The following BBX variants were observed in gnomAD, a reference collection of about 807,000 sequenced individuals.
BBX encodes the protein BBX high mobility group box domain containing, also known as HMG box transcription factor BBX.
A neutral mutation model predicts 100.2 loss-of-function variants in BBX; 30 were observed. That is an observed-to-expected ratio of 0.30 (90% CI 0.22 to 0.41). The LOEUF (loss-of-function observed/expected upper bound fraction) is 0.41. BBX is among the 10% of genes least tolerant of loss of function. The probability of loss-of-function intolerance (pLI) is 1.00; values close to 1 mark genes in which losing one functional copy is unlikely to be tolerated. For missense variants in BBX, 1,023 were observed against 1,129.8 expected, an observed-to-expected ratio of 0.91 and a Z score of 1.35; for synonymous variants, 376 against 388.1, an observed-to-expected ratio of 0.97 and a Z score of 0.37.
At position 107,592,577 on chromosome 3, in the gene BBX, TAA is replaced by T. The variant is rs142881366; in HGVS notation, c.-83-53257_-83-53256del. On this transcript the variant is annotated intron_variant, in intron 2 of 17. Transcript: ENST00000325805. Reference sequence around the variant, plus strand: ...TAAAAATAGATCTTTGCATAGAACCTAAAGTTTAAATTTAAAATGTGTTTATT... The same window carrying T: ...TAAAAATAGATCTTTGCATAGAACCTAGTTTAAATTTAAAATGTGTTTATT... 2.9e-3 allele frequency among the ~76,000 whole-genome samples: 438 copies of T among 152,244 alleles called. 1 individual carries two copies. Among genetic ancestry groups the T allele is most frequent in the African/African-American group, 0.01 (416 of 41,540 alleles).
chr3:107,609,006 G>A (rs1273468993), intron 2 of BBX, among the ~76,000 whole-genome samples: 2 of 152,124 alleles, frequency 1.3e-5, no homozygotes, highest in African/African-American at 2.4e-5. Flanking sequence ...TGCAAACAAG[G>A]ATGACTTGAC....
chr3:107,756,474 A>G (rs543599170), intron 10 of BBX, among the ~76,000 whole-genome samples: 171 of 152,278 alleles, frequency 1.1e-3, no homozygotes, highest in African/African-American at 3.9e-3. Context: ...TTTCTTTTCA[A>G]TGAGCTCCCT....
At chr3:107,578,420 T>C (rs77600866) in intron 2 of BBX, among the ~76,000 whole-genome samples, 8 of 83,378 alleles carry the variant, frequency 9.6e-5, no homozygotes, top group African/African-American at 2.5e-4. Flanking sequence ...GACTGAAAGA[T>C]AGAGTGAGGT....
intron 13 of BBX, among the ~76,000 whole-genome samples, chr3:107,788,502 G>C (rs974006128): frequency 6.6e-6 from 1 of 152,114 alleles, no homozygotes; most frequent in Non-Finnish European, 1.5e-5. Context: ...ACAGAATGAG[G>C]CTGGGCACAG....
intron 3 of BBX, among the ~76,000 whole-genome samples, chr3:107,649,356 A>G (rs2107800520): frequency 6.6e-6 from 1 of 152,322 alleles, no homozygotes; most frequent in East Asian, 1.9e-4. Flanking sequence ...TGGGTTTTGG[A>G]TTCAGATAAA....
intron 10 of BBX, among the ~76,000 whole-genome samples, chr3:107,758,162 G>A (rs2065631226): frequency 2.0e-5 from 3 of 152,238 alleles, no homozygotes; most frequent in Admixed American, 1.3e-4. Context: ...GTCAAGGGAA[G>A]TGAAGGCAGC....
intron 3 of BBX, among the ~76,000 whole-genome samples, chr3:107,653,265 CA>C (rs2057951088): frequency 6.6e-6 from 1 of 152,156 alleles, no homozygotes; most frequent in South Asian, 2.1e-4. Flanking sequence ...TTGTAGCTTA[CA>C]TTGAATCAGC....
chr3:107,805,105 G>A (rs2070950689), intron 17 of BBX, among the ~76,000 whole-genome samples: 1 of 152,060 alleles, frequency 6.6e-6, no homozygotes, highest in South Asian at 2.1e-4. Context: ...TGAGGCCAGA[G>A]GGTATGCTGT....
chr3:107,644,768 A>C (rs1325536568), intron 2 of BBX, among the ~76,000 whole-genome samples: 1 of 152,184 alleles, frequency 6.6e-6, no homozygotes, highest in African/African-American at 2.4e-5. Context: ...GCCTGAAGCC[A>C]CATGAGACCA....
intron 2 of BBX, among the ~76,000 whole-genome samples, chr3:107,608,481 T>C (rs1190198405): frequency 6.6e-6 from 1 of 152,226 alleles, no homozygotes; most frequent in Non-Finnish European, 1.5e-5. Flanking sequence ...TAGTATACTT[T>C]GAAGTCAGTT....
chr3:107,667,151 T>C (rs2058794287), intron 3 of BBX, among the ~76,000 whole-genome samples: 1 of 152,238 alleles, frequency 6.6e-6, no homozygotes, highest in African/African-American at 2.4e-5. Flanking sequence ...GAGAGAAACA[T>C]TCTTTTATGC....
chr3:107,609,703 A>T (rs2054700439), intron 2 of BBX, among the ~76,000 whole-genome samples: 1 of 151,628 alleles, frequency 6.6e-6, no homozygotes, highest in Non-Finnish European at 1.5e-5. Flanking sequence ...TGATTCTTTG[A>T]ATTTCTGCGG....
At chr3:107,731,865 C>G (rs1270912966) in intron 6 of BBX, among the ~76,000 whole-genome samples, 1 of 152,142 alleles carries the variant, frequency 6.6e-6, no homozygotes, top group Non-Finnish European at 1.5e-5. Flanking sequence ...GACTGATCCT[C>G]ATTTTCAATT....
At chr3:107,801,620 G>A (rs1427791984) in intron 17 of BBX, among the ~76,000 whole-genome samples, 3 of 152,088 alleles carry the variant, frequency 2.0e-5, no homozygotes, top group South Asian at 2.1e-4. Flanking sequence ...CCTGCAAACC[G>A]AAAGATCTTG....
chr3:107,769,416 A>G (rs191337895), intron 10 of BBX, among the ~76,000 whole-genome samples: 7 of 152,194 alleles, frequency 4.6e-5, no homozygotes, highest in Admixed American at 1.3e-4. Context: ...CTGTTTCCTC[A>G]TAGGGGTTCA....
At chr3:107,652,315 GA>G (rs2057886239) in intron 3 of BBX, among the ~76,000 whole-genome samples, 1 of 149,982 alleles carries the variant, frequency 6.7e-6, no homozygotes, top group African/African-American at 2.5e-5. Context: ...ATCAAAAAAG[GA>G]AACAAACCTT....
chr3:107,540,621 C>G (rs879410756), intron 2 of BBX, among the ~76,000 whole-genome samples: 1 of 152,104 alleles, frequency 6.6e-6, no homozygotes, highest in Non-Finnish European at 1.5e-5. Flanking sequence ...TAGAGGTACT[C>G]TAGTGACCAA....
Position 107,789,073 on chromosome 3 carries a change from G to A in BBX, c.2204-714G>A, listed in dbSNP as rs938376121. Among the ~76,000 whole-genome samples, 3 of 152,294 alleles carry A rather than the reference G, an allele frequency of 2.0e-5. 1 individual carries two copies. The highest frequency in any genetic ancestry group is 6.5e-5 in the Admixed American group (1 of 15,300). ...GATGGGAGCATCAAATGGTTCACCT[G>A]TGGCCAGAAGGCAGAGCATGTAGTT... On this transcript the variant is annotated intron_variant, in intron 13 of 17. Coordinates refer to ENST00000325805, the MANE Select transcript of BBX (RefSeq NM_001142568.3).
chr3:107,684,401 T>A (rs978553522), intron 3 of BBX, among the ~76,000 whole-genome samples: 1 of 152,202 alleles, frequency 6.6e-6, no homozygotes, highest in African/African-American at 2.4e-5. Flanking sequence ...ATATTTTTTT[T>A]CTGAGGTAAT....
Sources: gnomAD v4.1 joint callset for allele counts (sites outside exome capture counted in the v4.1 genomes callset) on GRCh38, gnomAD v4.1.1 for gene constraint, MANE v1.5 for transcripts, NCBI Gene and HGNC (gene_info 2026-07-23, HGNC 2026-07-21) for gene names.